The following ATXN10 variants were observed in gnomAD, a reference collection of about 807,000 sequenced individuals.
ATXN10 encodes the protein ataxin 10.
A neutral mutation model predicts 52.9 loss-of-function variants in ATXN10; 28 were observed. The observed-to-expected ratio is 0.53, with a 90% CI of 0.39 to 0.73. The LOEUF (loss-of-function observed/expected upper bound fraction) is 0.73. Among genes scored for constraint, ATXN10 ranks in the 30% least tolerant of loss-of-function variants. ATXN10 has a pLI of 0.00. For synonymous variants in ATXN10, 226 were observed against 221.5 expected, an observed-to-expected ratio of 1.02 and a Z score of -0.18; for missense variants, 565 against 577.0, an observed-to-expected ratio of 0.98 and a Z score of 0.21.
intron 9 of ATXN10, among the ~76,000 whole-genome samples, chr22:45,751,130 C>T (rs1414141519): frequency 6.6e-6 from 1 of 151,926 alleles, no homozygotes; most frequent in African/African-American, 2.4e-5. Flanking sequence ...GGGGTTTCAC[C>T]ATGTTGCCCA....
At chr22:45,699,305 CT>C (rs1429208525) in intron 3 of ATXN10, among the ~76,000 whole-genome samples, 1 of 151,940 alleles carries the variant, frequency 6.6e-6, no homozygotes, top group Non-Finnish European at 1.5e-5. Flanking sequence ...ATCTTTAAGC[CT>C]TTTCCTTTTC....
intron 10 of ATXN10, among the ~76,000 whole-genome samples, chr22:45,813,455 C>CATT (rs1928355082): frequency 7.4e-6 from 1 of 134,638 alleles, no homozygotes; most frequent in South Asian, 2.3e-4. Flanking sequence ...TTCTTCATTT[C>CATT]TTTTTTTTTT....
rs2146894558 is a variant in ATXN10 at position 45,816,109 on chromosome 22, T to A, written c.1237+9087T>A. On this transcript the variant is annotated intron_variant, in intron 10 of 11. Coordinates refer to ENST00000252934, the MANE Select transcript of ATXN10 (RefSeq NM_013236.4). This position sits in a 1 kb window ranked among gnomAD's most constrained non-coding sequence, Gnocchi z 5.8. ...CTAAAAATACAAAAAAAAAATTCGC[T>A]AGGCGTGGTGGCACGCACCCTTAGT... Among the ~76,000 whole-genome samples, 1 of 151,972 alleles carries A rather than the reference T, an allele frequency of 6.6e-6. No homozygotes were observed. Among genetic ancestry groups the A allele is most frequent in the East Asian group, 1.9e-4 (1 of 5,144 alleles).
intron 9 of ATXN10, among the ~76,000 whole-genome samples, chr22:45,777,611 G>A (rs141101246): frequency 6.6e-6 from 1 of 152,324 alleles, no homozygotes; most frequent in Non-Finnish European, 1.5e-5. Flanking sequence ...GGCCAATCCT[G>A]TGCCCTGCCT....
chr22:45,764,105 A>G (rs767733164), intron 9 of ATXN10, among the ~76,000 whole-genome samples: 7 of 152,006 alleles, frequency 4.6e-5, no homozygotes, highest in Admixed American at 6.6e-5. Flanking sequence ...CTCATCTTCA[A>G]TACTGCAGCA....
In ATXN10 at chr22:45,759,568, T is replaced by C. The variant is rs1288570745; in HGVS notation, c.1173+19030T>C. Reference sequence around the variant, plus strand: ...GATCAGGGTGAGGGTTCCGTACTCTTCTTGTGCCATGAAGCAGGAGGAAAG... The same window carrying C: ...GATCAGGGTGAGGGTTCCGTACTCTCCTTGTGCCATGAAGCAGGAGGAAAG... On this transcript the variant is annotated intron_variant, in intron 9 of 11. Coordinates refer to ENST00000252934, the MANE Select transcript of ATXN10 (RefSeq NM_013236.4). The surrounding 1 kb of genome is among the most constrained non-coding windows in gnomAD (Gnocchi z 5.4). Among the ~76,000 whole-genome samples the C allele has an allele frequency of 6.6e-6, 1 of 152,134 alleles. No homozygotes were observed. The highest frequency in any genetic ancestry group is 2.4e-5 in the African/African-American group (1 of 41,428).
chr22:45,808,960 G>A (rs1215569783), intron 10 of ATXN10, among the ~76,000 whole-genome samples: 1 of 152,164 alleles, frequency 6.6e-6, no homozygotes, highest in African/African-American at 2.4e-5. Context: ...CATCTTTAGT[G>A]TTATGTGTAT....
intron 2 of ATXN10, among the ~76,000 whole-genome samples, chr22:45,692,385 G>T (rs923649403): frequency 3.3e-5 from 5 of 151,912 alleles, no homozygotes; most frequent in Non-Finnish European, 7.4e-5. Flanking sequence ...ATTTAAGGGT[G>T]TTAATTTTTC....
chr22:45,796,341 G>A (rs538177978), intron 9 of ATXN10, among the ~76,000 whole-genome samples: 230 of 152,298 alleles, frequency 1.5e-3, no homozygotes, highest in Non-Finnish European at 2.6e-3. Flanking sequence ...TGTGTGCCCA[G>A]CAGGACATGG....
intron 9 of ATXN10, chr22:45,793,781 A>G (rs1927605810): frequency 7.5e-7 from 1 of 1,330,260 alleles, no homozygotes; most frequent in Non-Finnish European, 9.7e-7. Flanking sequence ...CAGGACAGGT[A>G]AGCCCCCAAA....
At position 45,692,599 on chromosome 22, in the gene ATXN10, T is replaced by C. The variant is rs116448715; in HGVS notation, c.309-397T>C. Reference sequence around the variant, plus strand: ...TCAGATTGCAACTAGTACATATTTTTCTGATGTTTTACTTTAAGTCGTTAA... The same window carrying C: ...TCAGATTGCAACTAGTACATATTTTCCTGATGTTTTACTTTAAGTCGTTAA... On this transcript the variant is annotated intron_variant, in intron 2 of 11. Coordinates refer to ENST00000252934, the MANE Select transcript of ATXN10 (RefSeq NM_013236.4). Among the ~76,000 whole-genome samples the C allele has an allele frequency of 1.2e-3, 184 of 152,366 alleles. 1 individual carries two copies. The highest frequency in any genetic ancestry group is 4.2e-3 in the African/African-American group (174 of 41,588).
chr22:45,698,776 G>A (rs1164860004), intron 3 of ATXN10, among the ~76,000 whole-genome samples: 1 of 152,190 alleles, frequency 6.6e-6, no homozygotes, highest in African/African-American at 2.4e-5. Flanking sequence ...CCGAATTTTA[G>A]TTGGAATTCA....
At chr22:45,725,409 T>C (rs947609036) in intron 6 of ATXN10, among the ~76,000 whole-genome samples, 2 of 151,894 alleles carry the variant, frequency 1.3e-5, no homozygotes, top group Non-Finnish European at 2.9e-5. Context: ...TGATTTTTTT[T>C]TTTTTTTTTT....
chr22:45,814,485 T>C (rs939748486), intron 10 of ATXN10, among the ~76,000 whole-genome samples: 5 of 152,218 alleles, frequency 3.3e-5, no homozygotes, highest in Non-Finnish European at 1.5e-5. Context: ...GGCAAGGATA[T>C]GAAGCAGCCT....
At chr22:45,788,913 C>T (rs1927412004) in intron 9 of ATXN10, among the ~76,000 whole-genome samples, 1 of 152,118 alleles carries the variant, frequency 6.6e-6, no homozygotes, top group Admixed American at 6.5e-5. Flanking sequence ...CCTCCGAAAG[C>T]ACTAGGATTA....
chr22:45,839,524 T>G (rs949551418), intron 10 of ATXN10, among the ~76,000 whole-genome samples: 1 of 152,240 alleles, frequency 6.6e-6, no homozygotes, highest in African/African-American at 2.4e-5. Context: ...TTCTTCAGTC[T>G]CATTCTTTCT....
rs978657684 is a variant in ATXN10, at chr22:45,780,943, G to A, written c.1174-26016G>A. On this transcript the variant is annotated intron_variant, in intron 9 of 11. Transcript: ENST00000252934. This position sits in a 1 kb window ranked among gnomAD's most constrained non-coding sequence, Gnocchi z 4.0. Reference sequence around the variant, plus strand: ...GCAAGGGGCCTTGAGACTCAGAAACGATAAGGTGGCAAGTTCCCTGGGTTT... The same window carrying A: ...GCAAGGGGCCTTGAGACTCAGAAACAATAAGGTGGCAAGTTCCCTGGGTTT... 6.6e-6 allele frequency among the ~76,000 whole-genome samples: 1 copy of A among 152,160 alleles called. No individual in the cohort carries two copies. The highest frequency in any genetic ancestry group is 1.5e-5 in the Non-Finnish European group (1 of 68,014).
chr22:45,838,187 T>C (rs1264770998), intron 10 of ATXN10, among the ~76,000 whole-genome samples: 4 of 152,236 alleles, frequency 2.6e-5, no homozygotes, highest in Non-Finnish European at 4.4e-5. Flanking sequence ...TCATGCTGTT[T>C]CCCAGCCTTT....
rs181864033 is a variant in ATXN10 at position 45,761,077 on chromosome 22, A to C, written c.1173+20539A>C. ...GTTTTCCTTTTGGGAAAGAAGTTGAATTTTCATTGTTGGCTTATGTTTTCA... is the reference window on the plus strand; with the variant it reads ...GTTTTCCTTTTGGGAAAGAAGTTGACTTTTCATTGTTGGCTTATGTTTTCA... On this transcript the variant is annotated intron_variant, in intron 9 of 11. Transcript: ENST00000252934. Among the ~76,000 whole-genome samples the C allele has an allele frequency of 2.6e-5, 4 of 152,112 alleles. No individual in the cohort carries two copies. The East Asian group carries it at 7.8e-4, about 29-fold the overall frequency.
Sources: gnomAD v4.1 joint callset for allele counts (sites outside exome capture counted in the v4.1 genomes callset) on GRCh38, gnomAD v4.1.1 for gene constraint, Gnocchi (gnomAD v3.1) non-coding constraint, MANE v1.5 for transcripts, NCBI Gene and HGNC (gene_info 2026-07-23, HGNC 2026-07-21) for gene names.